Variants in COL25A1 observed in about 807,000 individuals in gnomAD.
The protein encoded by COL25A1 is collagen alpha-1(XXV) chain.
Under a neutral mutation model 128.4 loss-of-function variants are expected in COL25A1, and 103 were observed. The observed-to-expected ratio is 0.80, with a 90% CI of 0.68 to 0.94. COL25A1 has a LOEUF of 0.94. COL25A1 is among the 40% of genes least tolerant of loss of function. The pLI, the probability that COL25A1 is intolerant of heterozygous loss-of-function variation, is 0.00. For missense variants in COL25A1, 745 were observed against 840.0 expected (o/e 0.89, Z 1.40); for synonymous variants, 279 against 277.2 (o/e 1.01, Z -0.06).
At chr4:108,942,946 G>A (rs1560906119) in intron 8 of COL25A1, among the ~76,000 whole-genome samples, 1 of 150,080 alleles carries the variant, frequency 6.7e-6, no homozygotes, top group Non-Finnish European at 1.5e-5. Context: ...AGTAGAGACT[G>A]GGTTTCACTA....
At chr4:109,300,986 T>C (rs1028832441) in intron 2 of COL25A1, among the ~76,000 whole-genome samples, 2 of 152,192 alleles carry the variant, frequency 1.3e-5, no homozygotes, top group African/African-American at 4.8e-5. Flanking sequence ...GGCTTACCAA[T>C]AACAGCCAAT....
In COL25A1 at chr4:108,889,745, C is replaced by G; in HGVS notation, c.907-12G>C. ...GATCCAGGGTCACCCTAAAACGAAA[C>G]CCAGGAGAGATTATCTCACAAGTTA... On this transcript the variant is annotated splice_polypyrimidine_tract_variant and intron_variant, in intron 16 of 37. Coordinates refer to ENST00000399132, the MANE Select transcript of COL25A1 (RefSeq NM_198721.4). 1 of 1,612,322 alleles carries G rather than the reference C, an allele frequency of 6.2e-7. No homozygotes were observed. Among genetic ancestry groups the G allele is most frequent in the Admixed American group, 1.7e-5 (1 of 59,970 alleles).
chr4:109,128,282 C>G (rs908986692), intron 3 of COL25A1, among the ~76,000 whole-genome samples: 2 of 152,180 alleles, frequency 1.3e-5, no homozygotes, highest in African/African-American at 4.8e-5. Flanking sequence ...TAAACTCTGG[C>G]CACCATTCCT....
At chr4:109,049,391 AAAGAAATTT>A (rs1406645875) in intron 4 of COL25A1, among the ~76,000 whole-genome samples, 2 of 152,220 alleles carry the variant, frequency 1.3e-5, no homozygotes, top group African/African-American at 2.4e-5. Flanking sequence ...CTCAGTTTCA[AAAGAAATTT>A]TACTTGACTT....
intron 5 of COL25A1, among the ~76,000 whole-genome samples, chr4:109,029,175 T>C (rs945683760): frequency 6.6e-6 from 1 of 152,148 alleles, no homozygotes; most frequent in Non-Finnish European, 1.5e-5. Context: ...TCTATGCTAA[T>C]GAAATTATCC....
rs923329086 is a variant in COL25A1 at position 108,862,117 on chromosome 4, A to C, written c.1197+384T>G. The stretch of plus-strand genomic sequence containing the variant: ...TGGCAGTAGAATTTTAATGCAACGA[A>C]GGGAGTCAACTAAAAAGCAGAGTAT... On this transcript the variant is annotated intron_variant, in intron 22 of 37. Transcript: ENST00000399132. Among the ~76,000 whole-genome samples, 14 of 152,234 alleles carry C rather than the reference A, an allele frequency of 9.2e-5. No individual in the cohort carries two copies. The South Asian group carries it at 1.0e-3, about 11-fold the overall frequency.
chr4:109,218,369 T>TTG (rs1560887321), intron 3 of COL25A1, among the ~76,000 whole-genome samples: 38 of 140,906 alleles, frequency 2.7e-4, no homozygotes, highest in African/African-American at 9.4e-4. Context: ...TTTTTTTTTT[T>TTG]TTTTTTTTTT....
At chr4:109,213,858 T>C (rs1777780628) in intron 3 of COL25A1, among the ~76,000 whole-genome samples, 1 of 152,150 alleles carries the variant, frequency 6.6e-6, no homozygotes, top group African/African-American at 2.4e-5. Context: ...AACATGAGAA[T>C]CTACCATCAT....
At chr4:109,012,699 T>G (rs1756744911) in intron 5 of COL25A1, among the ~76,000 whole-genome samples, 2 of 152,168 alleles carry the variant, frequency 1.3e-5, no homozygotes, top group South Asian at 4.1e-4. Context: ...TCACCGGGCC[T>G]CAGCCGCCTC....
intron 6 of COL25A1, among the ~76,000 whole-genome samples, chr4:108,994,876 G>A (rs565426962): frequency 2.0e-5 from 3 of 152,192 alleles, no homozygotes; most frequent in Admixed American, 1.3e-4. Context: ...GCAGCTGAGG[G>A]GCCTGTTAGA....
At chr4:109,280,691 C>T (rs373043244) in intron 3 of COL25A1, among the ~76,000 whole-genome samples, 4 of 150,856 alleles carry the variant, frequency 2.7e-5, no homozygotes, top group South Asian at 2.1e-4. Context: ...CTTGCTCTGT[C>T]GCCCAGGCTG....
At chr4:108,826,409 A>G (rs1242036914) in intron 33 of COL25A1, among the ~76,000 whole-genome samples, 1 of 152,086 alleles carries the variant, frequency 6.6e-6, no homozygotes, top group Non-Finnish European at 1.5e-5. Context: ...ATGGTGGCAC[A>G]CATCTGTAAT....
chr4:108,990,406 T>C (rs1009626927), intron 6 of COL25A1, among the ~76,000 whole-genome samples: 7 of 151,494 alleles, frequency 4.6e-5, no homozygotes, highest in African/African-American at 1.7e-4. Flanking sequence ...CTGAAGAACA[T>C]TTTGAACTAA....
At chr4:108,874,875 C>A (rs537642719) in intron 19 of COL25A1, among the ~76,000 whole-genome samples, 1 of 152,118 alleles carries the variant, frequency 6.6e-6, no homozygotes, top group Non-Finnish European at 1.5e-5. Flanking sequence ...TACTTTAATC[C>A]GTTTTTTTTC....
intron 3 of COL25A1, among the ~76,000 whole-genome samples, chr4:109,114,817 T>G (rs1767374751): frequency 6.6e-6 from 1 of 152,080 alleles, no homozygotes; most frequent in Non-Finnish European, 1.5e-5. Context: ...GCACTTAAAT[T>G]GTGGTAGTAC....
intron 30 of COL25A1, among the ~76,000 whole-genome samples, chr4:108,842,395 T>A (rs1414055090): frequency 6.6e-6 from 1 of 152,192 alleles, no homozygotes; most frequent in Non-Finnish European, 1.5e-5. Flanking sequence ...TGAATCAGGA[T>A]TACAAAACAC....
chr4:108,925,346 G>GT (rs756847363), intron 11 of COL25A1, among the ~76,000 whole-genome samples: 1 of 151,990 alleles, frequency 6.6e-6, no homozygotes, highest in Non-Finnish European at 1.5e-5. Context: ...TTTAAATTGT[G>GT]TGTGTGGTGG....
At chr4:108,866,049 T>G (rs1319308238) in intron 20 of COL25A1, among the ~76,000 whole-genome samples, 1 of 152,244 alleles carries the variant, frequency 6.6e-6, no homozygotes, top group Non-Finnish European at 1.5e-5. Flanking sequence ...AATGTAAGCT[T>G]CAGGAGAATA....
intron 3 of COL25A1, among the ~76,000 whole-genome samples, chr4:109,276,361 G>C (rs879527477): frequency 1.3e-5 from 2 of 149,546 alleles, no homozygotes; most frequent in South Asian, 4.2e-4. Flanking sequence ...GCAGTGAGCC[G>C]AGATCGCGCC....
Sources: allele counts gnomAD v4.1 joint callset (sites outside exome capture counted in the v4.1 genomes callset), GRCh38; gene constraint gnomAD v4.1.1; transcripts MANE v1.5; gene names NCBI Gene and HGNC (gene_info 2026-07-23, HGNC 2026-07-21).